Variants in VPS9D1 observed in about 807,000 individuals in gnomAD.
The protein encoded by VPS9D1 is VPS9 domain containing 1.
A neutral mutation model predicts 75.8 loss-of-function variants in VPS9D1; 78 were observed. That is an observed-to-expected ratio of 1.03 (90% CI 0.86 to 1.24). The LOEUF is 1.24. Ranked by LOEUF, VPS9D1 falls within the 50% of genes most tolerant of loss-of-function variation. The probability of loss-of-function intolerance (pLI) is 0.00; values close to 1 mark genes in which losing one functional copy is unlikely to be tolerated. For missense variants in VPS9D1, 1,057 were observed against 847.7 expected, an observed-to-expected ratio of 1.25 and a Z score of -3.07; for synonymous variants, 481 against 385.6, an observed-to-expected ratio of 1.25 and a Z score of -2.90.
chr16:89,708,070 G>T, intron 14 of VPS9D1, 116 bp from the exon 15 acceptor site: 1 of 1,015,450 alleles, frequency 9.8e-7, no homozygotes, highest in Non-Finnish European at 1.5e-6. Context: ...AGGGTGGGCA[G>T]GTGGGGCTGT....
chr16:89,714,327 G>A (rs2061011671), intron 4 of VPS9D1, among the ~76,000 whole-genome samples: 1 of 152,132 alleles, frequency 6.6e-6, no homozygotes, highest in South Asian at 2.1e-4. Flanking sequence ...TGTGGCCCAG[G>A]GAAGGCAAAA....
At chr16:89,715,175 T>C (rs371766744) in intron 4 of VPS9D1, among the ~76,000 whole-genome samples, 1 of 152,258 alleles carries the variant, frequency 6.6e-6, no homozygotes, top group East Asian at 1.9e-4. Flanking sequence ...TTTGTATGTA[T>C]GGATTTCTAC....
Position 89,711,960 on chromosome 16 carries a change from G to A in VPS9D1, c.669C>T (p.Cys223=). The change falls in exon 8 of 15, where the codon TGC becomes TGT. Residue 223 remains cysteine (C), a synonymous_variant. Transcript: ENST00000389386. ...CCTCCGGGGTCAGGGCGACTTGGCT[G>A]CAAAACCTCCTGGGGAGAAAGGCAC... ...RLQEAANRRF[C]SQVALTPEER... 2 of 1,551,048 alleles carry A rather than the reference G, an allele frequency of 1.3e-6. No individual in the cohort carries two copies. Among genetic ancestry groups the A allele is most frequent in the Non-Finnish European group, 1.7e-6 (2 of 1,146,884 alleles).
Position 89,709,282 on chromosome 16 carries a change from C to A in VPS9D1, c.1542G>T (p.Gln514His), listed in dbSNP as rs1462545762. 1 of 1,610,940 alleles carries A rather than the reference C, an allele frequency of 6.2e-7. No individual in the cohort carries two copies. The highest frequency in any genetic ancestry group is 1.7e-5 in the Admixed American group (1 of 59,888). The stretch of plus-strand genomic sequence containing the variant: ...TCTCCAGGACCAGCAGTCCGAGCTC[C>A]TGGGCCGCCGCGCAGTAGGGGTAGC... Reference protein sequence around the residue: ...ATGYPYCAAAQELGLLVLESC... With the variant: ...ATGYPYCAAAHELGLLVLESC... Residue 514 changes from glutamine to histidine, a missense_variant, in exon 12 of 15, where the codon CAG (glutamine) becomes CAT (histidine). Transcript: ENST00000389386.
At chr16:89,718,920 AGC>A in intron 2 of VPS9D1, 105 bp downstream of exon 2, 1 of 926,966 alleles carries the variant, frequency 1.1e-6, no homozygotes, top group Non-Finnish European at 1.7e-6. Flanking sequence ...TCACCATGTT[AGC>A]CAGGATGGTT....
chr16:89,708,818 C>T (rs2151618788), intron 13 of VPS9D1, 39 bp downstream of exon 13: 1 of 1,532,744 alleles, frequency 6.5e-7, no homozygotes. Context: ...TTTCTAGGGC[C>T]CTTCCTCCCT....
At chr16:89,717,456 G>A (rs1269911393) in intron 2 of VPS9D1, 2 of 417,768 alleles carry the variant, frequency 4.8e-6, no homozygotes, top group South Asian at 3.3e-5. Flanking sequence ...TTGGCATGGA[G>A]CACCTCTGCG....
Position 89,712,107 on chromosome 16 carries a change from CAG to C in VPS9D1, c.607-10_607-9del, listed in dbSNP as rs1401782407. 1.3e-6 allele frequency: 2 copies of C among 1,548,294 alleles called. No individual in the cohort carries two copies. Among genetic ancestry groups the C allele is most frequent in the Non-Finnish European group, 1.7e-6 (2 of 1,146,806 alleles). ...CTCCATCTTTCTCTGGAGCTGGGTG[CAG>C]AGTCAAGGGGCCGAGCGTGGGATCT... On this transcript the variant is annotated splice_polypyrimidine_tract_variant and intron_variant, in intron 6 of 14. Transcript: ENST00000389386.
intron 4 of VPS9D1, among the ~76,000 whole-genome samples, chr16:89,716,239 G>C (rs927920304): frequency 1.3e-5 from 2 of 152,140 alleles, no homozygotes; most frequent in South Asian, 2.1e-4. Context: ...GGTGGTGGGC[G>C]CCTGTAGTCT....
At chr16:89,711,656 T>G in intron 8 of VPS9D1, 1 of 622,656 alleles carries the variant, frequency 1.6e-6, no homozygotes, top group Non-Finnish European at 2.6e-6. Context: ...CCCTCCTCGC[T>G]GGGACCCTCC....
At chr16:89,711,777 C>T (rs2060932157) in intron 8 of VPS9D1, 105 bp downstream of exon 8, 5 of 1,358,858 alleles carry the variant, frequency 3.7e-6, no homozygotes, top group Non-Finnish European at 5.0e-6. Flanking sequence ...TCACTGCCCC[C>T]CACAGCCTCT....
At chr16:89,711,794 G>GCC (rs56199420) in intron 8 of VPS9D1, 88 bp downstream of exon 8, 173,587 of 1,427,814 alleles carry the variant, frequency 0.12, 12,675 homozygotes, top group Middle Eastern at 0.14. Flanking sequence ...CTCTGGCTCC[G>GCC]CCCCCCACGG....
At chr16:89,719,575 C>T (rs2061187340) in intron 1 of VPS9D1, among the ~76,000 whole-genome samples, 1 of 152,204 alleles carries the variant, frequency 6.6e-6, no homozygotes, top group Non-Finnish European at 1.5e-5. Flanking sequence ...TTTCAAATCA[C>T]TTCCCGGTTT....
rs75262340 is a variant in VPS9D1, at chr16:89,719,022, C to T, written c.175+5G>A. 1.2e-5 allele frequency: 20 copies of T among 1,612,040 alleles called. No individual in the cohort carries two copies. The highest frequency in any genetic ancestry group is 1.7e-4 in the Middle Eastern group (1 of 6,058). ...AGCCACCGCGCCCGGCTGGCTGAGCCGTACCTTTAGTGGTTTCCACTTCTT... is the reference window on the plus strand; with the variant it reads ...AGCCACCGCGCCCGGCTGGCTGAGCTGTACCTTTAGTGGTTTCCACTTCTT... On this transcript the variant is annotated splice_donor_5th_base_variant and intron_variant, in intron 2 of 14. Coordinates refer to ENST00000389386, the MANE Select transcript of VPS9D1 (RefSeq NM_004913.3).
chr16:89,711,840 G>C (rs1040898806), intron 8 of VPS9D1, 42 bp downstream of exon 8: 1 of 1,539,444 alleles, frequency 6.5e-7, no homozygotes, highest in Non-Finnish European at 8.8e-7. Flanking sequence ...CGCCCCCCTC[G>C]CTGGGCTCCT....
At chr16:89,717,924 C>T (rs1208701490) in intron 2 of VPS9D1, 1 of 364,508 alleles carries the variant, frequency 2.7e-6, no homozygotes, top group South Asian at 1.9e-5. Context: ...CGTCCAGTGG[C>T]TCCCCCGACC....
Position 89,711,870 on chromosome 16 carries a change from T to C in VPS9D1, c.747+12A>G. 9 of 1,549,322 alleles carry C rather than the reference T, an allele frequency of 5.8e-6. No individual in the cohort carries two copies. The highest frequency in any genetic ancestry group is 7.9e-6 in the Non-Finnish European group (9 of 1,146,048). On this transcript the variant is annotated intron_variant, in intron 8 of 14. Transcript: ENST00000389386. ...GCTCCTCCTACAAAGCCTGGGCCCG[T>C]GGGGGACGCACATGGTCCTGTTCGT...
chr16:89,709,082 AT>A, intron 12 of VPS9D1, 126 bp from the exon 13 acceptor site: 2 of 1,251,534 alleles, frequency 1.6e-6, no homozygotes, highest in Non-Finnish European at 2.1e-6. Context: ...GACCCTGGCG[AT>A]GTTGCTCAGA....
At chr16:89,709,025 G>GGC in intron 12 of VPS9D1, 69 bp from the exon 13 acceptor site, 2 of 627,186 alleles carry the variant, frequency 3.2e-6, no homozygotes, top group South Asian at 3.0e-5. Context: ...CTTATACCCC[G>GGC]CCCACCCACC....
Sources: gnomAD v4.1 joint callset for allele counts (sites outside exome capture counted in the v4.1 genomes callset) on GRCh38, gnomAD v4.1.1 for gene constraint, MANE v1.5 for transcripts, NCBI Gene and HGNC (gene_info 2026-07-23, HGNC 2026-07-21) for gene names.